MRPL23: variants seen among roughly 807,000 people sequenced by gnomAD.
MRPL23 encodes large ribosomal subunit protein uL23m.
For missense variants in MRPL23, 25 were observed against 81.3 expected (o/e 0.31, Z 2.66); for synonymous variants, 12 against 34.8 (o/e 0.35, Z 2.30).
At chr11:1,991,377 G>A in the MRPL23 span, 12 of 22,112 alleles carry the variant, frequency 5.4e-4, no homozygotes, top group Non-Finnish European at 9.3e-4. Flanking sequence ...AAGGAGAGGC[G>A]CGGAGGAGGG....
downstream of MRPL23, among the ~76,000 whole-genome samples, chr11:1,988,921 A>G (rs1158179808): frequency 5.5e-5 from 8 of 144,588 alleles, no homozygotes; most frequent in African/African-American, 2.0e-4. Context: ...TGCCCCACAG[A>G]CGGGCCTCCC....
downstream of MRPL23, among the ~76,000 whole-genome samples, chr11:1,988,669 C>T (rs1856839832): frequency 4.8e-5 from 6 of 125,476 alleles, 1 homozygote; most frequent in Admixed American, 1.7e-4. Flanking sequence ...GGGACCTTCC[C>T]GGCGGCCCCA....
intron 5 of MRPL23, among the ~76,000 whole-genome samples, chr11:1,979,929 GC>G (rs1451640063): frequency 1.6e-5 from 1 of 63,572 alleles, no homozygotes; most frequent in African/African-American, 5.7e-5. Flanking sequence ...GAAGAAGCTG[GC>G]AGGAGGATTA....
downstream of MRPL23, among the ~76,000 whole-genome samples, chr11:1,988,588 G>A (rs1856838432): frequency 9.1e-6 from 1 of 109,320 alleles, no homozygotes; most frequent in African/African-American, 3.4e-5. Context: ...GGGGAGAGGG[G>A]CACAGGCCAG....
At chr11:1,971,161 G>A (rs1649689179) in intron 4 of MRPL23, among the ~76,000 whole-genome samples, 1 of 141,820 alleles carries the variant, frequency 7.1e-6, no homozygotes, top group Non-Finnish European at 1.6e-5. Context: ...TGCTGTGGCC[G>A]CTCCAGCCCA....
rs115865349 is a variant in MRPL23, at chr11:1,971,346, C to T, written c.298-1213C>T. Among the ~76,000 whole-genome samples the T allele has an allele frequency of 9.3e-3, 976 of 104,494 alleles. 27 individuals are homozygous for T. The highest frequency in any genetic ancestry group is 0.027 in the African/African-American group (937 of 34,854). 68.6% of individuals were successfully genotyped at this position (104,494 alleles called of 152,430 possible). On this transcript the variant is annotated intron_variant, in intron 4 of 4. Transcript: ENST00000397294. Reference sequence around the variant, plus strand: ...CTTCCACACCATCCACCTCCTGACACTGCCTGGGCTCTGGTCCGGCCCAAA... The same window carrying T: ...CTTCCACACCATCCACCTCCTGACATTGCCTGGGCTCTGGTCCGGCCCAAA...
downstream of MRPL23, among the ~76,000 whole-genome samples, chr11:1,959,268 C>T (rs1010596436): frequency 5.6e-5 from 4 of 71,218 alleles, no homozygotes; most frequent in Non-Finnish European, 1.2e-4. Flanking sequence ...GGTGGGCAGG[C>T]GGCCCCACTC....
the MRPL23 span, chr11:1,991,250 C>T: frequency 3.3e-4 from 1 of 3,044 alleles, no homozygotes; most frequent in African/African-American, 8.1e-4. Flanking sequence ...CCCAGCAAGC[C>T]GGCCTGCAGG....
At chr11:1,990,837 TCAGCGTCCCCCA>T in the MRPL23 span, among the ~76,000 whole-genome samples, 1 of 5,866 alleles carries the variant, frequency 1.7e-4, no homozygotes. Flanking sequence ...GGGCCCACGG[TCAGCGTCCCCCA>T]CAGCCCTGCC....
chr11:1,954,535 T>TGGC (rs141421033), intron 4 of MRPL23, among the ~76,000 whole-genome samples: 2,776 of 9,644 alleles, frequency 0.29, 1,017 homozygotes, highest in African/African-American at 0.3. Context: ...CTGTCCCACG[T>TGGC]GGCGGGAGTC....
chr11:1,981,661 CCTGGCCTTCCCACGGGTCCCT>C lies in MRPL23; in HGVS notation c.498-2772_498-2752del, dbSNP rs980972393. ...TCGGCGGGGCTTCTTAACTCTTCAA[CCTGGCCTTCCCACGGGTCCCT>C]CTGGACAAGGGATGGCGGGGCGCAG... On this transcript the variant is annotated intron_variant, in intron 5 of 5. Transcript: ENST00000397297. 3.6e-5 allele frequency among the ~76,000 whole-genome samples: 5 copies of C among 138,624 alleles called. 1 individual carries two copies. Among genetic ancestry groups the C allele is most frequent in the African/African-American group, 7.6e-5 (3 of 39,622 alleles). 90.9% of individuals were successfully genotyped at this position (138,624 alleles called of 152,430 possible).
chr11:1,994,443 C>T, the MRPL23 span, among the ~76,000 whole-genome samples: 518 of 93,938 alleles, frequency 5.5e-3, 186 homozygotes, highest in Middle Eastern at 0.014. Flanking sequence ...CCGGGAGCCC[C>T]TCACCCTGGG....
chr11:1,978,750 CAAA>C (rs61590768), intron 5 of MRPL23, among the ~76,000 whole-genome samples: 1 of 43,206 alleles, frequency 2.3e-5, no homozygotes. Flanking sequence ...AACTCTGTCT[CAAA>C]AAAAAAAAAA....
intron 2 of MRPL23, among the ~76,000 whole-genome samples, chr11:1,951,723 C>A (rs1245283698): frequency 2.2e-5 from 2 of 92,864 alleles, no homozygotes; most frequent in Non-Finnish European, 4.1e-5. Flanking sequence ...CAGGCCTAAC[C>A]CTGATGCGGC....
downstream of MRPL23, among the ~76,000 whole-genome samples, chr11:1,963,349 CAG>C (rs768848503): frequency 1.4e-4 from 3 of 21,026 alleles, no homozygotes; most frequent in Non-Finnish European, 2.2e-4. Context: ...CCCGCAGAGA[CAG>C]GGGTCCACAG....
intron 5 of MRPL23, chr11:1,983,985 C>T (rs536779346): frequency 8.9e-6 from 1 of 112,892 alleles, no homozygotes; most frequent in African/African-American, 2.9e-5. Context: ...GCCCTGCTCA[C>T]TCTCCTCAGC....
chr11:1,951,352 TA>T (rs1856308689), intron 2 of MRPL23, among the ~76,000 whole-genome samples: 1 of 58,358 alleles, frequency 1.7e-5, no homozygotes. Context: ...AGCTTCTTTT[TA>T]GGAGAGGCGC....
In MRPL23 at chr11:1,953,685, A is replaced by T. The variant is rs112838729; in HGVS notation, c.297+830A>T. On this transcript the variant is annotated intron_variant, in intron 4 of 4. Transcript: ENST00000397298. ...GTCTTCCGGTGTAAATGGTCCCTGG[A>T]GGCCGAGCCGGCGGGCCCTGCCACT... Among the ~76,000 whole-genome samples, 408 of 100,516 alleles carry T rather than the reference A, an allele frequency of 4.1e-3. 104 individuals carry two copies. The highest frequency in any genetic ancestry group is 0.016 in the African/African-American group (395 of 24,800). 65.9% of individuals were successfully genotyped at this position (100,516 alleles called of 152,430 possible).
the MRPL23 span, among the ~76,000 whole-genome samples, chr11:1,991,506 A>ACTC: frequency 2.8e-5 from 2 of 71,364 alleles, no homozygotes; most frequent in African/African-American, 7.3e-5. Flanking sequence ...GAGAAGTCAC[A>ACTC]AGATCTCCAC....
Sources: gnomAD v4.1 joint callset for allele counts (sites outside exome capture counted in the v4.1 genomes callset) on GRCh38, gnomAD v4.1.1 for gene constraint, MANE v1.5 for transcripts, NCBI Gene and HGNC (gene_info 2026-07-23, HGNC 2026-07-21) for gene names.